Variants in ATP8A2 observed in about 807,000 individuals in gnomAD.
ATP8A2 encodes the protein phospholipid-transporting ATPase IB.
ATP8A2 carries 100 observed loss-of-function variants against 165.6 expected under a neutral mutation model. The ratio of observed to expected loss-of-function variants is 0.60; its 90% CI spans 0.51 to 0.71. The LOEUF (loss-of-function observed/expected upper bound fraction) is 0.71. Among genes scored for constraint, ATP8A2 ranks in the 30% least tolerant of loss-of-function variants. The pLI, the probability that ATP8A2 is intolerant of heterozygous loss-of-function variation, is 0.00. For missense variants in ATP8A2, 1,227 were observed against 1,479.5 expected (o/e 0.83, Z 2.80); for synonymous variants, 543 against 548.8 (o/e 0.99, Z 0.15).
At chr13:25,545,600 C>T (rs1214289648) in intron 10 of ATP8A2, among the ~76,000 whole-genome samples, 1 of 152,136 alleles carries the variant, frequency 6.6e-6, no homozygotes, top group Non-Finnish European at 1.5e-5. Flanking sequence ...GCTTTGGGAG[C>T]TCCACTAACC....
intron 24 of ATP8A2, among the ~76,000 whole-genome samples, chr13:25,684,531 G>T (rs867403133): frequency 2.6e-4 from 40 of 152,156 alleles, no homozygotes; most frequent in South Asian, 2.1e-4. Context: ...GTTGGTGAAA[G>T]CACAAAATTA....
At chr13:25,671,787 G>A (rs962838149) in intron 24 of ATP8A2, among the ~76,000 whole-genome samples, 10 of 152,218 alleles carry the variant, frequency 6.6e-5, no homozygotes, top group African/African-American at 1.7e-4. Context: ...CTGTGATCTC[G>A]CCCTGCCTCC....
intron 35 of ATP8A2, among the ~76,000 whole-genome samples, chr13:25,999,415 G>T (rs1956590350): frequency 6.6e-6 from 1 of 152,148 alleles, no homozygotes; most frequent in African/African-American, 2.4e-5. Flanking sequence ...CCCCACATCT[G>T]AAACTGGATT....
intron 34 of ATP8A2, among the ~76,000 whole-genome samples, chr13:25,963,393 C>CAAAAAAAAAAAAA (rs763926807): frequency 8.7e-6 from 1 of 115,388 alleles, no homozygotes; most frequent in Non-Finnish European, 1.9e-5. Flanking sequence ...GACTCCGTCT[C>CAAAAAAAAAAAAA]AAAAAAAAAA....
intron 33 of ATP8A2, among the ~76,000 whole-genome samples, chr13:25,882,919 GAT>G (rs1214367914): frequency 6.6e-6 from 1 of 151,636 alleles, no homozygotes; most frequent in Middle Eastern, 3.2e-3. Context: ...TGATGATGAT[GAT>G]GATGATGATG....
At chr13:26,006,382 T>C (rs1956737563) in intron 35 of ATP8A2, among the ~76,000 whole-genome samples, 1 of 152,080 alleles carries the variant, frequency 6.6e-6, no homozygotes, top group Non-Finnish European at 1.5e-5. Context: ...CTTTACTGAG[T>C]TTATTAACTC....
intron 33 of ATP8A2, chr13:25,944,727 CTGCCCTCCAGCCT>C (rs1566291482): frequency 6.6e-6 from 1 of 152,222 alleles, no homozygotes; most frequent in Non-Finnish European, 1.5e-5. Flanking sequence ...TGAATAGCCA[CTGCCCTCCAGCCT>C]GGGCAGCATA....
intron 33 of ATP8A2, among the ~76,000 whole-genome samples, chr13:25,945,389 A>C (rs1013123875): frequency 6.6e-6 from 1 of 152,228 alleles, no homozygotes; most frequent in Admixed American, 6.5e-5. Context: ...AGGCACGTTA[A>C]TGGTGGATGT....
chr13:25,860,788 TC>T lies in ATP8A2; in HGVS notation c.3019-15del, dbSNP rs1461829790. ...TTGAGAATAATGTGTTTCCAAACTG[TC>T]TTTTATTTTCACAGTATGTTGTTGT... On this transcript the variant is annotated splice_polypyrimidine_tract_variant and intron_variant, in intron 31 of 36. Transcript: ENST00000381655. 1 of 1,580,708 alleles carries T rather than the reference TC, an allele frequency of 6.3e-7. No individual in the cohort carries two copies. The highest frequency in any genetic ancestry group is 1.1e-5 in the South Asian group (1 of 87,722).
chr13:25,973,872 G>A (rs1033649067), intron 35 of ATP8A2, among the ~76,000 whole-genome samples: 5 of 152,188 alleles, frequency 3.3e-5, no homozygotes, highest in Admixed American at 1.3e-4. Flanking sequence ...TGCACATGTG[G>A]TGCATCTCCC....
At chr13:25,529,558 G>A (rs761855297) in intron 2 of ATP8A2, among the ~76,000 whole-genome samples, 39 of 152,186 alleles carry the variant, frequency 2.6e-4, no homozygotes, top group Non-Finnish European at 5.0e-4. Flanking sequence ...GTCCTAGGTG[G>A]AAGCAAAAGT....
intron 26 of ATP8A2, among the ~76,000 whole-genome samples, chr13:25,772,504 C>G (rs906410950): frequency 9.9e-5 from 15 of 151,950 alleles, no homozygotes; most frequent in African/African-American, 3.4e-4. Flanking sequence ...CCATGTGCAC[C>G]TACTTCTGCC....
intron 8 of ATP8A2, 111 bp from the exon 9 acceptor site, chr13:25,541,808 A>G: frequency 8.5e-7 from 1 of 1,170,468 alleles, no homozygotes; most frequent in Non-Finnish European, 1.2e-6. Context: ...CCCCCAAATT[A>G]TTGCACTGGA....
intron 2 of ATP8A2, among the ~76,000 whole-genome samples, chr13:25,510,124 A>G (rs1433222195): frequency 6.6e-6 from 1 of 151,726 alleles, no homozygotes; most frequent in African/African-American, 2.4e-5. Flanking sequence ...AAGACAAGAA[A>G]TTTCTTTCTC....
rs78039006 is a variant in ATP8A2 at position 25,541,576 on chromosome 13, A to G, written c.652-343A>G. On this transcript the variant is annotated intron_variant, in intron 8 of 36. Coordinates refer to ENST00000381655, the MANE Select transcript of ATP8A2 (RefSeq NM_016529.6). ...ATGTAAAATATTGGAGGGCTACTCT[A>G]TTCTATCTTTATGACCAGTGTTAGA... Among the ~76,000 whole-genome samples the G allele has an allele frequency of 6.0e-4, 91 of 152,278 alleles. No individual in the cohort carries two copies. The East Asian group carries it at 0.013, about 22-fold the overall frequency.
chr13:25,589,556 G>A, intron 23 of ATP8A2, 79 bp from the exon 24 acceptor site: 3 of 1,070,432 alleles, frequency 2.8e-6, no homozygotes, highest in Non-Finnish European at 4.3e-6. Context: ...TAAAGTGGCA[G>A]ATATAACCAA....
chr13:25,932,828 ATTG>A (rs1330805797), intron 33 of ATP8A2, among the ~76,000 whole-genome samples: 2 of 152,086 alleles, frequency 1.3e-5, no homozygotes, highest in Non-Finnish European at 2.9e-5. Flanking sequence ...TTACCAGTGC[ATTG>A]TTGTGAGCTG....
At chr13:25,400,003 G>A (rs1223695851) in intron 1 of ATP8A2, among the ~76,000 whole-genome samples, 2 of 8,484 alleles carry the variant, frequency 2.4e-4, no homozygotes, top group Non-Finnish European at 7.3e-4. Flanking sequence ...GCTCACTGCA[G>A]CCTTGAACTC....
At chr13:25,531,219 G>C (rs1165569510) in intron 4 of ATP8A2, among the ~76,000 whole-genome samples, 1 of 116,874 alleles carries the variant, frequency 8.6e-6, no homozygotes, top group African/African-American at 3.7e-5. Flanking sequence ...TGTTATATAT[G>C]ATATATGTTA....
Sources: allele counts gnomAD v4.1 joint callset (sites outside exome capture counted in the v4.1 genomes callset), GRCh38; gene constraint gnomAD v4.1.1; transcripts MANE v1.5; gene names NCBI Gene and HGNC (gene_info 2026-07-23, HGNC 2026-07-21).